The following GBE1 variants were observed in gnomAD, a reference collection of about 807,000 sequenced individuals.
The protein encoded by GBE1 is 1,4-alpha-glucan-branching enzyme.
In GBE1, 70 loss-of-function variants were observed where a neutral mutation model predicts 88.8. The ratio of observed to expected loss-of-function variants is 0.79; its 90% CI spans 0.65 to 0.96. The LOEUF is 0.96. Among genes scored for constraint, GBE1 ranks in the 40% least tolerant of loss-of-function variants. The probability of loss-of-function intolerance (pLI) is 0.00; values close to 1 mark genes in which losing one functional copy is unlikely to be tolerated. For synonymous variants in GBE1, 284 were observed against 300.1 expected, an observed-to-expected ratio of 0.95 and a Z score of 0.56; for missense variants, 872 against 871.0, an observed-to-expected ratio of 1.00 and a Z score of -0.01.
chr3:81,540,495 A>T (rs1559638842), intron 12 of GBE1, among the ~76,000 whole-genome samples: 1 of 152,002 alleles, frequency 6.6e-6, no homozygotes, highest in East Asian at 1.9e-4. Flanking sequence ...TGGTTTCCTC[A>T]TCTGTAAAAT....
intron 15 of GBE1, among the ~76,000 whole-genome samples, chr3:81,492,278 C>T (rs550029806): frequency 2.6e-5 from 4 of 152,304 alleles, no homozygotes; most frequent in Admixed American, 6.5e-5. Context: ...AATTTCACTG[C>T]TAATGCAATC....
In GBE1 at chr3:81,761,581, G is replaced by A. The variant is rs1422416975; in HGVS notation, c.-64C>T. 9 of 1,531,504 alleles carry A rather than the reference G, an allele frequency of 5.9e-6. No individual in the cohort carries two copies. Among genetic ancestry groups the A allele is most frequent in the East Asian group, 2.5e-5 (1 of 40,328 alleles). The allele number at this position is 1,531,504 out of a possible 1,614,324, so 94.9% of individuals were successfully genotyped here. On this transcript the variant is annotated 5_prime_UTR_variant, in exon 1 of 16. Coordinates refer to ENST00000429644, the MANE Select transcript of GBE1 (RefSeq NM_000158.4). ...GAGTGGGGCCTGAGCGGGCGCTGGAGCTCTAGCTGGGACGCGGCGGCTAGG... is the reference window on the plus strand; with the variant it reads ...GAGTGGGGCCTGAGCGGGCGCTGGAACTCTAGCTGGGACGCGGCGGCTAGG...
Position 81,500,954 on chromosome 3 carries a change from G to C in GBE1, c.1935-1727C>G, listed in dbSNP as rs535757203. Among the ~76,000 whole-genome samples the C allele has an allele frequency of 8.5e-5, 13 of 152,196 alleles. No individual in the cohort carries two copies. The South Asian group carries it at 2.5e-3, about 29-fold the overall frequency. On this transcript the variant is annotated intron_variant, in intron 14 of 15. Transcript: ENST00000429644. The stretch of plus-strand genomic sequence containing the variant: ...ATTCAACACACACCAGGGCCTACTT[G>C]AGGGTAGAAGGCTGGGGGAGGGTGA...
At chr3:81,581,059 A>G (rs1576157607) in intron 11 of GBE1, 106 bp downstream of exon 11, 2 of 670,052 alleles carry the variant, frequency 3.0e-6, no homozygotes, top group East Asian at 2.8e-5. Flanking sequence ...TAGTAACTAC[A>G]GAGGTTTATA....
intron 3 of GBE1, among the ~76,000 whole-genome samples, chr3:81,655,911 A>C (rs375977176): frequency 1.3e-5 from 2 of 152,232 alleles, no homozygotes; most frequent in African/African-American, 2.4e-5. Flanking sequence ...CTTTAAAATA[A>C]CTTAATACAA....
intron 7 of GBE1, among the ~76,000 whole-genome samples, chr3:81,604,887 T>C (rs973702603): frequency 1.3e-5 from 2 of 152,156 alleles, no homozygotes; most frequent in African/African-American, 4.8e-5. Flanking sequence ...ATAACATGTT[T>C]AACACCATAA....
intron 1 of GBE1, among the ~76,000 whole-genome samples, chr3:81,750,593 ATATATATGTGTATATATATATATG>A (rs1706497408): frequency 1.7e-5 from 1 of 60,452 alleles, no homozygotes; most frequent in African/African-American, 8.6e-5. Flanking sequence ...ATATACGTAT[ATATATATGTGTATATATATATATG>A]TATATATATA....
Position 81,723,266 on chromosome 3 carries a change from T to G in GBE1, c.144-17653A>C, listed in dbSNP as rs199623079. ...TATTAAATAAAAGTTGTTTTGTTTT[T>G]TTTTTTTTGTATTTTTAGTAGAGAG... is the stretch of plus-strand genomic sequence containing the variant. On this transcript the variant is annotated intron_variant, in intron 1 of 15. Transcript: ENST00000429644. 3.8e-4 allele frequency among the ~76,000 whole-genome samples: 58 copies of G among 151,578 alleles called. No individual in the cohort carries two copies. In the East Asian group the frequency reaches 6.6e-3, roughly 17 times the overall value.
At chr3:81,640,400 C>T (rs968472647) in intron 7 of GBE1, among the ~76,000 whole-genome samples, 1 of 151,992 alleles carries the variant, frequency 6.6e-6, no homozygotes, top group East Asian at 1.9e-4. Context: ...CGCTTCCTGT[C>T]CTCGAATATC....
intron 9 of GBE1, among the ~76,000 whole-genome samples, chr3:81,587,138 A>T (rs1310751181): frequency 6.6e-6 from 1 of 152,134 alleles, no homozygotes; most frequent in Non-Finnish European, 1.5e-5. Context: ...CCGGATTCAG[A>T]TATCAAGCTT....
rs554831823 is a variant in GBE1 at position 81,572,868 on chromosome 3, C to G, written c.1618+5057G>C. Among the ~76,000 whole-genome samples the G allele has an allele frequency of 9.9e-5, 15 of 152,184 alleles. 1 individual carries two copies. The South Asian group carries it at 2.9e-3, about 29-fold the overall frequency. The stretch of plus-strand genomic sequence containing the variant: ...TAGTCAATTTGCCTGCCTAAACCAG[C>G]ATGTTCATAGCAACATTCCTGGGTC... On this transcript the variant is annotated intron_variant, in intron 12 of 15. Coordinates refer to ENST00000429644, the MANE Select transcript of GBE1 (RefSeq NM_000158.4).
chr3:81,533,738 G>C (rs1240542205), intron 14 of GBE1, among the ~76,000 whole-genome samples: 1 of 151,978 alleles, frequency 6.6e-6, no homozygotes, highest in African/African-American at 2.4e-5. Context: ...CCCAACTCTG[G>C]TCAATAAAAT....
At chr3:81,597,562 A>G (rs1333750415) in intron 7 of GBE1, among the ~76,000 whole-genome samples, 1 of 149,746 alleles carries the variant, frequency 6.7e-6, no homozygotes, top group Non-Finnish European at 1.5e-5. Flanking sequence ...TCTTAGCTTT[A>G]TATCTTAAAG....
Position 81,705,614 on chromosome 3 carries a change from CT to C in GBE1, c.144-2del. The C allele has an allele frequency of 1.3e-6, 2 of 1,524,584 alleles. No homozygotes were observed. The highest frequency in any genetic ancestry group is 1.8e-6 in the Non-Finnish European group (2 of 1,136,616). The allele number at this position is 1,524,584 out of a possible 1,614,324, so 94.4% of individuals were successfully genotyped here. ...CAAAATTTGGCTAAACTGCTTATAC[CT>C]TTGAAGAAGTATGAAAGAAAATGAG... On this transcript the variant is annotated splice_acceptor_variant, in intron 1 of 15. Coordinates refer to ENST00000429644, the MANE Select transcript of GBE1 (RefSeq NM_000158.4). LOFTEE classifies it high-confidence loss of function.
chr3:81,761,098 T>C (rs532808140), intron 1 of GBE1, among the ~76,000 whole-genome samples: 8 of 152,318 alleles, frequency 5.3e-5, no homozygotes, highest in Admixed American at 2.6e-4. Flanking sequence ...CCACAGCACG[T>C]ACCCTATGGC....
chr3:81,667,833 G>A (rs1269803444), intron 3 of GBE1, among the ~76,000 whole-genome samples: 2 of 152,156 alleles, frequency 1.3e-5, no homozygotes, highest in Non-Finnish European at 2.9e-5. Context: ...CTGATGTGCT[G>A]CTGGATTCGG....
At chr3:81,529,918 GTC>G (rs143064853) in intron 14 of GBE1, among the ~76,000 whole-genome samples, 10 of 149,412 alleles carry the variant, frequency 6.7e-5, no homozygotes, top group South Asian at 2.1e-4. Context: ...GAATGAATCA[GTC>G]TCTCTCTCTC....
At chr3:81,646,347 T>C in intron 6 of GBE1, 45 bp downstream of exon 6, 1 of 1,206,000 alleles carries the variant, frequency 8.3e-7, no homozygotes, top group South Asian at 1.3e-5. Flanking sequence ...TTCTTTAAAT[T>C]ATTGGCTCAA....
intron 1 of GBE1, among the ~76,000 whole-genome samples, chr3:81,716,931 A>G (rs900502326): frequency 1.3e-5 from 2 of 152,222 alleles, no homozygotes; most frequent in African/African-American, 4.8e-5. Context: ...TCTGAATGCA[A>G]TAAATCAGAG....
Sources: allele counts gnomAD v4.1 joint callset (sites outside exome capture counted in the v4.1 genomes callset), GRCh38; gene constraint gnomAD v4.1.1; transcripts MANE v1.5; gene names NCBI Gene and HGNC (gene_info 2026-07-23, HGNC 2026-07-21).